NUDCD1: variants seen among roughly 807,000 people sequenced by gnomAD.
NUDCD1 encodes NudC domain containing 1.
In NUDCD1, 60 loss-of-function variants were observed where a neutral mutation model predicts 67.8. The ratio of observed to expected loss-of-function variants is 0.88; its 90% confidence interval spans 0.72 to 1.10. The LOEUF (loss-of-function observed/expected upper bound fraction) is 1.10, where lower values mean the gene tolerates loss of function less well. NUDCD1 is among the 50% of genes least tolerant of loss of function. The probability of loss-of-function intolerance (pLI) is 0.00; values close to 1 mark genes in which losing one functional copy is unlikely to be tolerated. For synonymous variants in NUDCD1, 244 were observed against 230.8 expected (o/e 1.06, Z -0.52); for missense variants, 643 against 695.0 (o/e 0.93, Z 0.84).
chr8:109,297,343 T>C (rs1486644526), intron 2 of NUDCD1, among the ~76,000 whole-genome samples: 2 of 152,202 alleles, frequency 1.3e-5, no homozygotes, highest in Admixed American at 1.3e-4. Context: ...TATGTACTTA[T>C]AATGTAAAGT....
chr8:109,261,524 T>C (rs1813863544), intron 8 of NUDCD1, among the ~76,000 whole-genome samples: 1 of 152,108 alleles, frequency 6.6e-6, no homozygotes, highest in Non-Finnish European at 1.5e-5. Flanking sequence ...AATTAACCTA[T>C]TATTAAGAGG....
In NUDCD1 at chr8:109,322,371, A is replaced by G; in HGVS notation, c.211T>C (p.Tyr71His). 6.3e-7 allele frequency: 1 copy of G among 1,590,040 alleles called. No homozygotes were observed. Residue 71 changes from tyrosine to histidine, a missense_variant, in exon 2 of 10, where the codon TAT becomes CAT. By Grantham distance (83) the Tyr-to-His change is moderately conservative (BLOSUM62 2). Transcript: ENST00000239690. ...TCAATATAGTAGACACTGTCTTGAT[A>G]CCATGAATCACAGTGCAGGTAATTA... ...MYNYLHCDSW[Y>H]QDSVYYIDTL... is the part of the protein sequence containing the mutation.
At chr8:109,324,856 G>A (rs1815634416) in intron 1 of NUDCD1, among the ~76,000 whole-genome samples, 1 of 152,198 alleles carries the variant, frequency 6.6e-6, no homozygotes, top group South Asian at 2.1e-4. Context: ...GGAGGCCAAG[G>A]CGGGCGGATC....
At chr8:109,304,836 G>C (rs746286221) in intron 2 of NUDCD1, among the ~76,000 whole-genome samples, 1 of 152,126 alleles carries the variant, frequency 6.6e-6, no homozygotes, top group Non-Finnish European at 1.5e-5. Context: ...CTCAGGGCCA[G>C]TTTTTCTCCT....
chr8:109,296,558 T>C lies in NUDCD1; in HGVS notation c.285A>G (p.Leu95=), dbSNP rs149150344. The change falls in exon 3 of 10, where the codon TTA becomes TTG. Residue 95 remains leucine, a synonymous_variant. Transcript: ENST00000239690. ...MNLTVMLDTA[L]GKPREVFRLP... ...GTCGAAACACCTCTCGTGGTTTTCC[T>C]AAGGCAGTGTCCTAAAAAGACCAAA... 2.5e-6 allele frequency: 4 copies of C among 1,604,214 alleles called. No homozygotes were observed. Among genetic ancestry groups the C allele is most frequent in the Non-Finnish European group, 3.4e-6 (4 of 1,172,994 alleles).
intron 8 of NUDCD1, among the ~76,000 whole-genome samples, chr8:109,247,822 A>C (rs1308589565): frequency 6.6e-6 from 1 of 152,122 alleles, no homozygotes; most frequent in Non-Finnish European, 1.5e-5. Context: ...ATTCCTATCA[A>C]ATTATTTATC....
At chr8:109,263,956 G>A (rs1448885606) in intron 8 of NUDCD1, among the ~76,000 whole-genome samples, 2 of 152,070 alleles carry the variant, frequency 1.3e-5, no homozygotes, top group East Asian at 1.9e-4. Context: ...GTAAAGAAAA[G>A]GCCAGTTTCA....
At chr8:109,278,580 A>G (rs1814352064) in intron 6 of NUDCD1, among the ~76,000 whole-genome samples, 1 of 152,194 alleles carries the variant, frequency 6.6e-6, no homozygotes, top group East Asian at 1.9e-4. Flanking sequence ...CACCCTAGAG[A>G]TAACAAGTGT....
At chr8:109,285,714 C>G (rs1337556396) in intron 5 of NUDCD1, among the ~76,000 whole-genome samples, 1 of 152,018 alleles carries the variant, frequency 6.6e-6, no homozygotes. Context: ...TCATACTGAA[C>G]AGGCAAAAAC....
At chr8:109,324,751 T>A (rs1348111653) in intron 1 of NUDCD1, among the ~76,000 whole-genome samples, 1 of 152,138 alleles carries the variant, frequency 6.6e-6, no homozygotes, top group Non-Finnish European at 1.5e-5. Context: ...ATTCTATCAT[T>A]TGCAGCAACA....
rs150232769 is a variant in NUDCD1, at chr8:109,302,421, AG to A, written c.274-5853del. ...GTCTGTTCCTTCAGTCTCCACCCCA[AG>A]CTCTGAGTCCTGGGAATCCTCCTTT... On this transcript the variant is annotated intron_variant, in intron 2 of 9. Transcript: ENST00000239690. Among the ~76,000 whole-genome samples, 972 of 152,018 alleles carry A rather than the reference AG, an allele frequency of 6.4e-3. 15 individuals carry two copies. Among genetic ancestry groups the A allele is most frequent in the African/African-American group, 0.022 (906 of 41,478 alleles).
Position 109,300,344 on chromosome 8 carries a change from A to T in NUDCD1, c.274-3775T>A, listed in dbSNP as rs1406764332. On this transcript the variant is annotated intron_variant, in intron 2 of 9. Coordinates refer to ENST00000239690, the MANE Select transcript of NUDCD1 (RefSeq NM_032869.4). ...AAGGCAAAGCCCAACGTAAGGAAAC[A>T]AAAAAAAATGATACAAGAAGTGAAA... Among the ~76,000 whole-genome samples, 5 of 22,894 alleles carry T rather than the reference A, an allele frequency of 2.2e-4. No homozygotes were observed. The African/African-American group carries it at 4.3e-3, about 20-fold the overall frequency. 15.0% of individuals were successfully genotyped at this position (22,894 alleles called of 152,430 possible).
chr8:109,291,137 T>C (rs548570980), intron 4 of NUDCD1, among the ~76,000 whole-genome samples: 4 of 152,232 alleles, frequency 2.6e-5, no homozygotes, highest in Admixed American at 2.0e-4. Context: ...GGAGAAATGC[T>C]AGGTTAAAAT....
Position 109,245,441 on chromosome 8 carries a change from A to G in NUDCD1, c.1340T>C (p.Val447Ala), listed in dbSNP as rs777836000. 10 of 1,613,504 alleles carry G rather than the reference A, an allele frequency of 6.2e-6. No individual in the cohort carries two copies. The African/African-American group carries it at 1.3e-4, about 22-fold the overall frequency. ...GAAGCAGGGCATTTCTTTAGGATCCACTATGACAGAGAAAAGGTACTGGTT... is the reference window on the plus strand; with the variant it reads ...GAAGCAGGGCATTTCTTTAGGATCCGCTATGACAGAGAAAAGGTACTGGTT... ...GSNQYLFSVIVDPKEMPCFCL... is the reference protein window; with the variant it reads ...GSNQYLFSVIADPKEMPCFCL... Residue 447 changes from valine to alanine, a missense_variant, in exon 9 of 10, where the codon GTG becomes GCG. Physicochemically the swap from Val to Ala is moderately conservative, Grantham distance 64. Coordinates refer to ENST00000239690, the MANE Select transcript of NUDCD1 (RefSeq NM_032869.4).
At chr8:109,312,294 C>T (rs1815274670) in intron 2 of NUDCD1, among the ~76,000 whole-genome samples, 1 of 87,106 alleles carries the variant, frequency 1.1e-5, no homozygotes, top group African/African-American at 6.1e-5. Flanking sequence ...GAGCGAGACA[C>T]TGTCAAAAAA....
At chr8:109,261,715 TTA>T (rs201792958) in intron 8 of NUDCD1, among the ~76,000 whole-genome samples, 1,682 of 152,296 alleles carry the variant, frequency 0.011, 28 homozygotes, top group African/African-American at 0.038. Context: ...TTCATTTACA[TTA>T]ATGCTATTTA....
chr8:109,279,622 A>C (rs1814381672), intron 6 of NUDCD1, among the ~76,000 whole-genome samples: 1 of 152,002 alleles, frequency 6.6e-6, no homozygotes, highest in Non-Finnish European at 1.5e-5. Flanking sequence ...GTTTTGATGA[A>C]GTCTAACTTA....
intron 5 of NUDCD1, among the ~76,000 whole-genome samples, 159 bp from the exon 6 acceptor site, chr8:109,281,331 T>G (rs2129986069): frequency 6.6e-6 from 1 of 152,310 alleles, no homozygotes; most frequent in East Asian, 1.9e-4. Context: ...GAATTTTCAC[T>G]CAAAGATTTG....
intron 5 of NUDCD1, among the ~76,000 whole-genome samples, chr8:109,288,896 G>C (rs1265104475): frequency 6.6e-6 from 1 of 152,034 alleles, no homozygotes; most frequent in African/African-American, 2.4e-5. Context: ...AATTATTACA[G>C]AGGAATGTTC....
Sources: allele counts gnomAD v4.1 joint callset (sites outside exome capture counted in the v4.1 genomes callset), GRCh38; gene constraint gnomAD v4.1.1; transcripts MANE v1.5; gene names NCBI Gene and HGNC (gene_info 2026-07-23, HGNC 2026-07-21).